The following KCNC2 variants were observed in gnomAD, a reference collection of about 807,000 sequenced individuals.
The protein encoded by KCNC2 is potassium voltage-gated channel subfamily C member 2, also known as voltage-gated potassium channel KCNC2.
A neutral mutation model predicts 44.5 loss-of-function variants in KCNC2; 21 were observed. The ratio of observed to expected loss-of-function variants is 0.47; its 90% CI spans 0.33 to 0.68. The LOEUF (loss-of-function observed/expected upper bound fraction) is 0.68, where lower values mean the gene tolerates loss of function less well. KCNC2 is among the 30% of genes least tolerant of loss of function. The pLI is 0.01. For missense variants in KCNC2, 589 were observed against 826.2 expected, an observed-to-expected ratio of 0.71 and a Z score of 3.52; for synonymous variants, 391 against 339.1, an observed-to-expected ratio of 1.15 and a Z score of -1.68.
At chr12:75,208,635 C>T (rs898355438) in intron 1 of KCNC2, among the ~76,000 whole-genome samples, 2 of 149,948 alleles carry the variant, frequency 1.3e-5, no homozygotes, top group Non-Finnish European at 1.5e-5. Context: ...CCCCGGACCC[C>T]TCTCTACTCC....
In KCNC2 at chr12:75,179,162, A is replaced by G. The variant is rs138646341; in HGVS notation, c.687+28135T>C. Among the ~76,000 whole-genome samples, 360 of 152,196 alleles carry G rather than the reference A, an allele frequency of 2.4e-3. 4 individuals are homozygous for G. Among genetic ancestry groups the G allele is most frequent in the African/African-American group, 8.2e-3 (339 of 41,562 alleles). ...TTGATACATATAAAACTATGTAATT[A>G]AACAGTTCAAATCCAAGTTTGAATC... is the stretch of plus-strand genomic sequence containing the variant. On this transcript the variant is annotated intron_variant, in intron 2 of 4. Coordinates refer to ENST00000549446, the MANE Select transcript of KCNC2 (RefSeq NM_139137.4).
Position 75,205,335 on chromosome 12 carries a change from T to A in KCNC2, c.687+1962A>T, listed in dbSNP as rs149205805. ...AATAAATTTTTCAGGTCTATGATTCTTAGCTGATTCTGCTTCTACTTGCTC... is the reference window on the plus strand; with the variant it reads ...AATAAATTTTTCAGGTCTATGATTCATAGCTGATTCTGCTTCTACTTGCTC... On this transcript the variant is annotated intron_variant, in intron 2 of 4. Transcript: ENST00000549446. Among the ~76,000 whole-genome samples, 568 of 151,908 alleles carry A rather than the reference T, an allele frequency of 3.7e-3. 1 individual carries two copies. The highest frequency in any genetic ancestry group is 0.013 in the African/African-American group (534 of 41,326).
At chr12:75,137,360 T>A (rs1369696856) in intron 2 of KCNC2, among the ~76,000 whole-genome samples, 1 of 152,190 alleles carries the variant, frequency 6.6e-6, no homozygotes, top group Non-Finnish European at 1.5e-5. Context: ...CAACTGCATC[T>A]GTGTTCCTGG....
intron 2 of KCNC2, among the ~76,000 whole-genome samples, chr12:75,115,484 C>CTTAT (rs1887594138): frequency 6.6e-6 from 1 of 152,098 alleles, no homozygotes. Flanking sequence ...TGTTTATTTA[C>CTTAT]TTATTTATTT....
intron 2 of KCNC2, among the ~76,000 whole-genome samples, chr12:75,071,099 T>A (rs1479946968): frequency 6.6e-6 from 1 of 152,176 alleles, no homozygotes; most frequent in Admixed American, 6.5e-5. Flanking sequence ...TTGCTATATG[T>A]GTAATTCTGG....
At chr12:75,194,913 T>C (rs2030630196) in intron 2 of KCNC2, among the ~76,000 whole-genome samples, 1 of 152,194 alleles carries the variant, frequency 6.6e-6, no homozygotes, top group Admixed American at 6.5e-5. Context: ...GTCACCATCT[T>C]CCCAGTTTAA....
intron 2 of KCNC2, among the ~76,000 whole-genome samples, chr12:75,178,170 C>G: frequency 6.6e-6 from 1 of 152,010 alleles, no homozygotes; most frequent in East Asian, 1.9e-4. Context: ...AGAGACTCTT[C>G]TACTTTCATC....
At chr12:75,124,017 C>T (rs933730876) in intron 2 of KCNC2, 7 of 152,196 alleles carry the variant, frequency 4.6e-5, no homozygotes, top group African/African-American at 1.4e-4. Flanking sequence ...CACCACATTT[C>T]TTAAAAAAGG....
At chr12:75,089,284 A>G (rs528488586) in intron 2 of KCNC2, among the ~76,000 whole-genome samples, 2 of 151,826 alleles carry the variant, frequency 1.3e-5, no homozygotes, top group Non-Finnish European at 2.9e-5. Context: ...TTTAATCTGC[A>G]GTCAATTAAT....
At chr12:75,132,371 G>T (rs534136853) in intron 2 of KCNC2, among the ~76,000 whole-genome samples, 1 of 152,236 alleles carries the variant, frequency 6.6e-6, no homozygotes, top group South Asian at 2.1e-4. Context: ...TAGAAATAAA[G>T]TTAGTTAAAT....
intron 2 of KCNC2, among the ~76,000 whole-genome samples, chr12:75,065,321 A>C (rs1342807494): frequency 2.0e-5 from 3 of 152,076 alleles, no homozygotes; most frequent in Non-Finnish European, 2.9e-5. Context: ...AACAGCAGTG[A>C]GTATGTAGTC....
chr12:75,075,458 CATAT>C (rs5799200), intron 2 of KCNC2, among the ~76,000 whole-genome samples: 112 of 145,572 alleles, frequency 7.7e-4, no homozygotes, highest in South Asian at 1.3e-3. Context: ...TATATATATA[CATAT>C]ATATATATAT....
At chr12:75,179,892 T>C (rs1325437013) in intron 2 of KCNC2, among the ~76,000 whole-genome samples, 1 of 151,834 alleles carries the variant, frequency 6.6e-6, no homozygotes, top group Admixed American at 6.6e-5. Context: ...AACTTAGCAT[T>C]CCGTACAATT....
chr12:75,062,746 T>C (rs1478447722), intron 2 of KCNC2, among the ~76,000 whole-genome samples: 1 of 152,022 alleles, frequency 6.6e-6, no homozygotes, highest in Non-Finnish European at 1.5e-5. Flanking sequence ...GACTTGTCCT[T>C]GATATAGAGA....
At chr12:75,124,549 C>T (rs796172206) in intron 2 of KCNC2, among the ~76,000 whole-genome samples, 7 of 152,134 alleles carry the variant, frequency 4.6e-5, no homozygotes, top group African/African-American at 1.4e-4. Flanking sequence ...TAAGCCATGG[C>T]ACAGGTGAGT....
chr12:75,185,924 T>C (rs1408241882), intron 2 of KCNC2, among the ~76,000 whole-genome samples: 1 of 151,832 alleles, frequency 6.6e-6, no homozygotes, highest in Non-Finnish European at 1.5e-5. Flanking sequence ...CAGGTGCCTG[T>C]AATACCAGCT....
rs1410222424 is a variant in KCNC2 at position 75,048,253 on chromosome 12, G to A, written c.1680C>T (p.Ile560=). The A allele has an allele frequency of 2.5e-6, 4 of 1,612,964 alleles. No homozygotes were observed. The highest frequency in any genetic ancestry group is 3.3e-5 in the Admixed American group (2 of 59,926). Residue 560 remains isoleucine, a synonymous_variant, in exon 4 of 5, where the codon ATC becomes ATT. Coordinates refer to ENST00000549446, the MANE Select transcript of KCNC2 (RefSeq NM_139137.4). Reference sequence around the variant, plus strand: ...TTTTGTCTCTGGTACTAGAGCGTCTGATGGGGAGCCTTTCTGGGGGTGATA... The same window carrying A: ...TTTTGTCTCTGGTACTAGAGCGTCTAATGGGGAGCCTTTCTGGGGGTGATA... ...PPLSPPERLP[I]RRSSTRDKNR... is the part of the protein sequence containing the mutation.
intron 2 of KCNC2, among the ~76,000 whole-genome samples, chr12:75,100,894 T>A (rs1210890803): frequency 6.6e-6 from 1 of 152,148 alleles, no homozygotes; most frequent in African/African-American, 2.4e-5. Context: ...TTGAGAGATA[T>A]CTTCACATTC....
At chr12:75,169,513 T>C (rs879880691) in intron 2 of KCNC2, among the ~76,000 whole-genome samples, 2 of 151,564 alleles carry the variant, frequency 1.3e-5, no homozygotes, top group South Asian at 4.1e-4. Flanking sequence ...AAGATTACTA[T>C]GTCCCTCGGG....
Sources: allele counts gnomAD v4.1 joint callset (sites outside exome capture counted in the v4.1 genomes callset), GRCh38; gene constraint gnomAD v4.1.1; transcripts MANE v1.5; gene names NCBI Gene and HGNC (gene_info 2026-07-23, HGNC 2026-07-21).